The following DHX29 variants were observed in gnomAD, a reference collection of about 807,000 sequenced individuals.
DHX29 encodes DExH-box helicase 29, also known as ATP-dependent RNA helicase DHX29.
A neutral mutation model predicts 167.9 loss-of-function variants in DHX29; 79 were observed. The observed-to-expected ratio is 0.47, with a 90% CI of 0.39 to 0.57. DHX29 has a LOEUF of 0.57. DHX29 is among the 20% of genes least tolerant of loss of function. The pLI is 0.00. For synonymous variants in DHX29, 530 were observed against 546.0 expected, an observed-to-expected ratio of 0.97 and a Z score of 0.41; for missense variants, 1,347 against 1,593.4, an observed-to-expected ratio of 0.85 and a Z score of 2.63.
intron 12 of DHX29, among the ~76,000 whole-genome samples, chr5:55,280,505 T>C (rs1340001080): frequency 6.6e-6 from 1 of 152,152 alleles, no homozygotes; most frequent in Non-Finnish European, 1.5e-5. Flanking sequence ...CCCTTGATGA[T>C]ACTGATTAAA....
chr5:55,297,157 A>G (rs1748366253), intron 3 of DHX29, 128 bp downstream of exon 3: 1 of 601,684 alleles, frequency 1.7e-6, no homozygotes, highest in South Asian at 2.2e-5. Flanking sequence ...TTCTTTCTCT[A>G]TTCTTAGAGA....
intron 11 of DHX29, among the ~76,000 whole-genome samples, chr5:55,282,394 T>C (rs1747477132): frequency 6.6e-6 from 1 of 152,188 alleles, no homozygotes; most frequent in South Asian, 2.1e-4. Context: ...AGTCATTCCG[T>C]TGTCTTATTT....
chr5:55,267,646 G>A (rs749927828), intron 22 of DHX29, 40 bp downstream of exon 22: 1 of 1,553,672 alleles, frequency 6.4e-7, no homozygotes, highest in South Asian at 1.2e-5. Context: ...AATAACCTCA[G>A]GTAATTGGCT....
chr5:55,292,203 G>A (rs1748083036), intron 6 of DHX29, among the ~76,000 whole-genome samples: 1 of 151,772 alleles, frequency 6.6e-6, no homozygotes, highest in Non-Finnish European at 1.5e-5. Flanking sequence ...AGTTTTTTTT[G>A]ACAGCTGACA....
chr5:55,285,705 C>A lies in DHX29; in HGVS notation c.1223G>T (p.Trp408Leu). ...SFEKVPVGRY[W>L]KCRVRVIKSE... ...ACAACAAAAAACATACCTACATTTC[C>A]AGTATCTACCTACTGGAACTTTTTC... Residue 408 changes from tryptophan to leucine, a missense_variant, in exon 9 of 27, where the codon TGG becomes TTG. By Grantham distance (61) the Trp-to-Leu change is moderately conservative (BLOSUM62 -2). This residue lies in a region of DHX29 where 60 missense variants were observed against 94.2 expected (regional missense o/e 0.64). Coordinates refer to ENST00000251636, the MANE Select transcript of DHX29 (RefSeq NM_019030.4). 6.4e-7 allele frequency: 1 copy of A among 1,559,508 alleles called. No individual in the cohort carries two copies. The highest frequency in any genetic ancestry group is 8.7e-7 in the Non-Finnish European group (1 of 1,151,124).
At chr5:55,281,286 A>G in intron 12 of DHX29, 86 bp downstream of exon 12, 1 of 1,166,428 alleles carries the variant, frequency 8.6e-7, no homozygotes, top group Non-Finnish European at 1.1e-6. Flanking sequence ...GTAAGCATAA[A>G]GAAAATGTTA....
At position 55,278,639 on chromosome 5, in the gene DHX29, C is replaced by A. The variant is rs547908536; in HGVS notation, c.2110-1357G>T. 2.4e-3 allele frequency among the ~76,000 whole-genome samples: 362 copies of A among 152,226 alleles called. 2 individuals are homozygous for A. In the Middle Eastern group the frequency reaches 0.024, roughly 10 times the overall value. On this transcript the variant is annotated intron_variant, in intron 12 of 26. Transcript: ENST00000251636. ...GGATGGTTTGAAATTATATTTGAAG[C>A]ATAGCTAATCCAGATGGTCAAGAAG...
At position 55,269,601 on chromosome 5, in the gene DHX29, T is replaced by C; in HGVS notation, c.3106A>G (p.Lys1036Glu). 8.1e-6 allele frequency: 13 copies of C among 1,614,026 alleles called. No homozygotes were observed. Among genetic ancestry groups the C allele is most frequent in the Non-Finnish European group, 1.1e-5 (13 of 1,179,980 alleles). Residue 1036 changes from lysine to glutamate, a missense_variant, in exon 21 of 27, where the codon AAA becomes GAA. By Grantham distance (56) the Lys-to-Glu change is moderately conservative (BLOSUM62 1). Around this residue, in one of 3 missense-constraint regions of DHX29, gnomAD observed 882 missense variants for 1,082.4 expected, o/e 0.81. Transcript: ENST00000251636. ...NLGSPEDFLSKALDPPQLQVI... is the reference protein window; with the variant it reads ...NLGSPEDFLSEALDPPQLQVI... ...TGGAGCTGAGGAGGATCTAAGGCTT[T>C]GGAGAGGAAATCTTCAGGAGAACCA...
chr5:55,277,191 C>T lies in DHX29; in HGVS notation c.2201G>A (p.Ser734Asn). ...AAATTTTTCGCTGTCCACAGTGGCA[C>T]TCATTAGAATCAAGTGTAGATCAGA... is the stretch of plus-strand genomic sequence containing the variant. The part of the protein sequence containing the change: ...KRSDLHLILM[S>N]ATVDSEKFST... Residue 734 changes from serine to asparagine, a missense_variant, in exon 13 of 27, where the codon AGT becomes AAT. Physicochemically the swap from Ser to Asn is conservative, Grantham distance 46 (BLOSUM62 1). Transcript: ENST00000251636. The T allele has an allele frequency of 6.2e-7, 1 of 1,612,102 alleles. No homozygotes were observed. Among genetic ancestry groups the T allele is most frequent in the Non-Finnish European group, 8.5e-7 (1 of 1,178,356 alleles).
intron 25 of DHX29, among the ~76,000 whole-genome samples, chr5:55,260,703 C>G (rs1379135595): frequency 1.3e-5 from 2 of 152,152 alleles, no homozygotes; most frequent in Non-Finnish European, 2.9e-5. Flanking sequence ...TAAAATTCAC[C>G]TCTCCAGTCC....
chr5:55,257,185 T>C (rs1301564919), intron 26 of DHX29, among the ~76,000 whole-genome samples: 1 of 152,206 alleles, frequency 6.6e-6, no homozygotes, highest in Non-Finnish European at 1.5e-5. Context: ...TTCTACTTAA[T>C]AGTTAACTCT....
At chr5:55,277,732 C>G (rs935282538) in intron 12 of DHX29, among the ~76,000 whole-genome samples, 2 of 151,734 alleles carry the variant, frequency 1.3e-5, no homozygotes, top group Admixed American at 6.6e-5. Flanking sequence ...ATGACGAAAC[C>G]CTGTCTCTAC....
At chr5:55,277,562 T>A (rs1747180829) in intron 12 of DHX29, among the ~76,000 whole-genome samples, 1 of 152,034 alleles carries the variant, frequency 6.6e-6, no homozygotes, top group African/African-American at 2.4e-5. Flanking sequence ...GCAAATCAGA[T>A]CAGATGTAGC....
At chr5:55,297,939 C>T (rs1238336581) in intron 2 of DHX29, among the ~76,000 whole-genome samples, 2 of 152,132 alleles carry the variant, frequency 1.3e-5, no homozygotes, top group Non-Finnish European at 2.9e-5. Context: ...AGTACACAAG[C>T]ATCTACTTAC....
chr5:55,303,532 T>C (rs1748709136), intron 1 of DHX29, among the ~76,000 whole-genome samples: 2 of 152,356 alleles, frequency 1.3e-5, no homozygotes, highest in African/African-American at 4.8e-5. Context: ...CTAATTATTT[T>C]GAAATGTAAA....
At position 55,262,974 on chromosome 5, in the gene DHX29, T is replaced by C. The variant is rs756425098; in HGVS notation, c.3526-42A>G. 6.3e-6 allele frequency: 9 copies of C among 1,424,778 alleles called. No individual in the cohort carries two copies. The South Asian group carries it at 6.4e-5, about 10-fold the overall frequency. The allele number at this position is 1,424,778 out of a possible 1,614,324, so 88.3% of individuals were successfully genotyped here. On this transcript the variant is annotated intron_variant, in intron 23 of 26. Transcript: ENST00000251636. ...TAAAAACACAAATAATCAAATTGAT[T>C]AGAGGAATTTCCAAATAACATTGTA...
At chr5:55,288,657 A>G (rs193208227) in intron 8 of DHX29, among the ~76,000 whole-genome samples, 1 of 152,100 alleles carries the variant, frequency 6.6e-6, no homozygotes, top group Non-Finnish European at 1.5e-5. Context: ...AAAATTTTTT[A>G]AAAAAATAAT....
At chr5:55,303,071 C>T (rs1748687046) in intron 1 of DHX29, among the ~76,000 whole-genome samples, 1 of 151,524 alleles carries the variant, frequency 6.6e-6, no homozygotes, top group Non-Finnish European at 1.5e-5. Flanking sequence ...AAAGTTGAAG[C>T]ACAGACAAAC....
chr5:55,272,047 C>T, intron 18 of DHX29, 40 bp downstream of exon 18: 2 of 1,231,660 alleles, frequency 1.6e-6, no homozygotes, highest in African/African-American at 1.5e-5. Context: ...CAACCTCTTT[C>T]CAGGTTAAAA....
Sources: allele counts gnomAD v4.1 joint callset (sites outside exome capture counted in the v4.1 genomes callset), GRCh38; gene constraint gnomAD v4.1.1; regional missense constraint gnomAD v4.1.1; transcripts MANE v1.5; gene names NCBI Gene and HGNC (gene_info 2026-07-23, HGNC 2026-07-21).